NTM: variants seen among roughly 807,000 people sequenced by gnomAD.
NTM encodes the protein IgLON family member 2.
NTM carries 13 observed loss-of-function variants against 42.1 expected under a neutral mutation model. The observed-to-expected ratio is 0.31, with a 90% CI of 0.20 to 0.49. The LOEUF (loss-of-function observed/expected upper bound fraction) is 0.49, where lower values mean the gene tolerates loss of function less well. Ranked by LOEUF, NTM falls within the 20% of genes least tolerant of loss-of-function variation. The probability of loss-of-function intolerance (pLI) is 0.99; values close to 1 mark genes in which losing one functional copy is unlikely to be tolerated. For missense variants in NTM, 373 were observed against 452.8 expected, an observed-to-expected ratio of 0.82 and a Z score of 1.60; for synonymous variants, 187 against 179.2, an observed-to-expected ratio of 1.04 and a Z score of -0.35.
intron 2 of NTM, among the ~76,000 whole-genome samples, chr11:131,926,515 C>CTA (rs2057977863): frequency 6.6e-6 from 1 of 151,724 alleles, no homozygotes; most frequent in East Asian, 1.9e-4. Flanking sequence ...TAGTCAAAGA[C>CTA]GAGCAAGGCA....
intron 7 of NTM, 139 bp from the exon 8 acceptor site, chr11:132,330,014 C>T: frequency 1.4e-6 from 2 of 1,382,636 alleles, no homozygotes; most frequent in Non-Finnish European, 1.9e-6. Context: ...GTGGTCAGGA[C>T]AGCAAGGGAC....
chr11:131,696,055 G>A (rs1052243811), intron 1 of NTM, among the ~76,000 whole-genome samples: 3 of 152,226 alleles, frequency 2.0e-5, no homozygotes, highest in Admixed American at 6.5e-5. Context: ...TCAACAGAAA[G>A]TGTTGTTGAT....
chr11:131,959,138 G>T (rs181429964), intron 2 of NTM, among the ~76,000 whole-genome samples: 25 of 152,312 alleles, frequency 1.6e-4, no homozygotes, highest in African/African-American at 5.8e-4. Context: ...CTGTGCTGAG[G>T]TGGTTTGCAC....
chr11:132,232,525 A>G (rs2087826920), intron 4 of NTM, among the ~76,000 whole-genome samples: 1 of 152,192 alleles, frequency 6.6e-6, no homozygotes, highest in African/African-American at 2.4e-5. Context: ...AATACGGGGA[A>G]GTGAAGAGCA....
At chr11:132,236,939 G>A (rs1013478899) in intron 4 of NTM, among the ~76,000 whole-genome samples, 1 of 152,158 alleles carries the variant, frequency 6.6e-6, no homozygotes, top group African/African-American at 2.4e-5. Flanking sequence ...TTCAAGAGAG[G>A]GGAGACCAGG....
intron 1 of NTM, among the ~76,000 whole-genome samples, chr11:131,529,623 G>C (rs55748005): frequency 0.076 from 11,586 of 152,160 alleles, 497 homozygotes; most frequent in Middle Eastern, 0.15. Flanking sequence ...TGAAATCAAG[G>C]CTGCTCGGTG....
At chr11:131,477,987 C>T (rs564455797) in intron 1 of NTM, among the ~76,000 whole-genome samples, 2 of 152,280 alleles carry the variant, frequency 1.3e-5, no homozygotes, top group South Asian at 4.2e-4. Flanking sequence ...TTCTGGCCCA[C>T]GCTGCACTAG....
chr11:131,539,068 G>A (rs2052763441), intron 1 of NTM: 1 of 151,904 alleles, frequency 6.6e-6, no homozygotes, highest in Non-Finnish European at 1.5e-5. Flanking sequence ...TAGTAGCTGG[G>A]ACTTCAAGCG....
At chr11:131,462,211 A>G (rs1219984359) in intron 1 of NTM, among the ~76,000 whole-genome samples, 1 of 152,224 alleles carries the variant, frequency 6.6e-6, no homozygotes, top group Non-Finnish European at 1.5e-5. Flanking sequence ...AGGCAAAACT[A>G]TTGTGACAGA....
chr11:131,398,793 T>A (rs12795347), intron 1 of NTM, among the ~76,000 whole-genome samples: 9,576 of 152,238 alleles, frequency 0.063, 407 homozygotes, highest in African/African-American at 0.12. Flanking sequence ...AGACCCCGCA[T>A]CCAGTTAGTA....
At chr11:131,556,656 C>T (rs2055462575) in intron 1 of NTM, among the ~76,000 whole-genome samples, 2 of 148,850 alleles carry the variant, frequency 1.3e-5, no homozygotes. Flanking sequence ...AAACCTTCGC[C>T]TCCCAGGTTT....
intron 4 of NTM, among the ~76,000 whole-genome samples, chr11:132,269,042 A>C (rs2139661602): frequency 6.6e-6 from 1 of 152,306 alleles, no homozygotes; most frequent in Admixed American, 6.5e-5. Context: ...GAGAAAAGCA[A>C]AATTGAATCT....
At chr11:132,138,308 G>T (rs773866621) in intron 2 of NTM, among the ~76,000 whole-genome samples, 16 of 152,132 alleles carry the variant, frequency 1.1e-4, no homozygotes, top group Non-Finnish European at 2.2e-4. Flanking sequence ...ACTCATGGGG[G>T]AACAGCAAAA....
intron 4 of NTM, among the ~76,000 whole-genome samples, chr11:132,287,012 T>A (rs1245400060): frequency 1.3e-5 from 2 of 152,204 alleles, no homozygotes; most frequent in Non-Finnish European, 2.9e-5. Flanking sequence ...GAACAAGGGC[T>A]TTCTCCTTTA....
At chr11:131,476,937 G>A (rs950401290) in intron 1 of NTM, among the ~76,000 whole-genome samples, 2 of 152,070 alleles carry the variant, frequency 1.3e-5, no homozygotes, top group African/African-American at 4.8e-5. Flanking sequence ...TTTCCTCTTT[G>A]GGCTATTCTT....
At chr11:131,442,873 T>G (rs576000066) in intron 1 of NTM, among the ~76,000 whole-genome samples, 1 of 152,174 alleles carries the variant, frequency 6.6e-6, no homozygotes, top group East Asian at 1.9e-4. Context: ...CTTTATGCAA[T>G]CAATCATTGG....
chr11:131,494,568 G>A (rs896131617), intron 1 of NTM, among the ~76,000 whole-genome samples: 1 of 152,200 alleles, frequency 6.6e-6, no homozygotes, highest in Admixed American at 6.5e-5. Context: ...CTATAACTGG[G>A]ACAGTCTGGG....
chr11:131,923,061 T>A (rs1216263684), intron 2 of NTM, among the ~76,000 whole-genome samples: 1 of 149,522 alleles, frequency 6.7e-6, no homozygotes, highest in Non-Finnish European at 1.5e-5. Context: ...GTACCCCGTT[T>A]AAAAAAAAAA....
chr11:132,278,378 G>A (rs373218588), intron 4 of NTM, among the ~76,000 whole-genome samples: 1 of 152,202 alleles, frequency 6.6e-6, no homozygotes, highest in African/African-American at 2.4e-5. Flanking sequence ...TTGGCAGCAG[G>A]GGGGCTGGAG....
Sources: allele counts gnomAD v4.1 joint callset (sites outside exome capture counted in the v4.1 genomes callset), GRCh38; gene constraint gnomAD v4.1.1; transcripts MANE v1.5; gene names NCBI Gene and HGNC (gene_info 2026-07-23, HGNC 2026-07-21).